The following TFB1M variants were observed in gnomAD, a reference collection of about 807,000 sequenced individuals.
TFB1M encodes transcription factor B1, mitochondrial, also known as dimethyladenosine transferase 1, mitochondrial.
TFB1M carries 27 observed loss-of-function variants against 31.1 expected under a neutral mutation model. That is an observed-to-expected ratio of 0.87 (90% confidence interval 0.64 to 1.20). TFB1M has a LOEUF of 1.20. TFB1M is among the 50% of genes most tolerant of loss of function. The pLI, the probability that TFB1M is intolerant of heterozygous loss-of-function variation, is 0.00. For missense variants in TFB1M, 394 were observed against 418.7 expected (o/e 0.94, Z 0.51); for synonymous variants, 166 against 151.8 (o/e 1.09, Z -0.69).
the TFB1M span, among the ~76,000 whole-genome samples, chr6:155,241,959 G>A: frequency 1.3e-5 from 2 of 152,172 alleles, no homozygotes; most frequent in Non-Finnish European, 2.9e-5. Flanking sequence ...GAGGAGAATC[G>A]ATGTCCCTTT....
the TFB1M span, among the ~76,000 whole-genome samples, chr6:155,234,831 G>GC: frequency 6.6e-6 from 1 of 152,270 alleles, no homozygotes; most frequent in East Asian, 1.9e-4. Context: ...GCAGGTGGCT[G>GC]CATCCCTAGA....
intron 4 of TFB1M, among the ~76,000 whole-genome samples, chr6:155,285,716 T>C (rs991892890): frequency 2.0e-5 from 3 of 152,234 alleles, no homozygotes; most frequent in African/African-American, 7.2e-5. Context: ...GCTTTTCAAA[T>C]TCACTTAATA....
At chr6:155,270,266 A>C (rs1784860186) in intron 5 of TFB1M, among the ~76,000 whole-genome samples, 1 of 152,222 alleles carries the variant, frequency 6.6e-6, no homozygotes. Context: ...ACGCCAAGTC[A>C]GCAGACAGAA....
At chr6:155,251,449 G>A (rs1783649450), downstream of TFB1M, among the ~76,000 whole-genome samples, 1 of 151,992 alleles carries the variant, frequency 6.6e-6, no homozygotes, top group Non-Finnish European at 1.5e-5. Flanking sequence ...ACCACGCCCG[G>A]CTGATTTTTG....
At chr6:155,288,303 A>C (rs1043787861) in intron 4 of TFB1M, among the ~76,000 whole-genome samples, 2 of 152,200 alleles carry the variant, frequency 1.3e-5, no homozygotes, top group Admixed American at 1.3e-4. Context: ...ACTCAAGATA[A>C]GTGATGAGTT....
At chr6:155,313,760 C>T (rs946351850) in intron 1 of TFB1M, among the ~76,000 whole-genome samples, 1 of 152,140 alleles carries the variant, frequency 6.6e-6, no homozygotes, top group African/African-American at 2.4e-5. Flanking sequence ...GGCACTAGCA[C>T]AATGTTGCTT....
intron 5 of TFB1M, among the ~76,000 whole-genome samples, chr6:155,265,684 TGA>T: frequency 6.8e-6 from 1 of 146,938 alleles, no homozygotes; most frequent in South Asian, 2.1e-4. Context: ...TATATATATA[TGA>T]GTTTATTAAA....
rs112435984 is a variant in TFB1M, at chr6:155,260,407, T to G, written c.667-7A>C. On this transcript the variant is annotated splice_polypyrimidine_tract_variant and splice_region_variant and intron_variant, in intron 5 of 6. Transcript: ENST00000367166. ...GCACCACGCCCACGTCCACCTTCGT[T>G]GTAAGCAAACATATTATCATTCTGT... The G allele has an allele frequency of 1.4e-4, 232 of 1,614,238 alleles. No individual in the cohort carries two copies. In the African/African-American group the frequency reaches 2.7e-3, roughly 19 times the overall value.
chr6:155,241,019 AG>A, the TFB1M span, among the ~76,000 whole-genome samples: 2 of 152,222 alleles, frequency 1.3e-5, no homozygotes, highest in Non-Finnish European at 2.9e-5. Flanking sequence ...GTTTAGTATA[AG>A]GGGAGAGAGA....
intron 5 of TFB1M, among the ~76,000 whole-genome samples, chr6:155,274,107 C>G (rs1785062395): frequency 6.6e-6 from 1 of 152,160 alleles, no homozygotes; most frequent in South Asian, 2.1e-4. Context: ...GATACTGAGG[C>G]ACAGAGAGGT....
chr6:155,283,771 C>CTTACA (rs1207992514), intron 5 of TFB1M, among the ~76,000 whole-genome samples: 2 of 152,180 alleles, frequency 1.3e-5, no homozygotes, highest in African/African-American at 2.4e-5. Context: ...TATAATGAGT[C>CTTACA]TTACACTATT....
the TFB1M span, chr6:155,249,956 G>C: frequency 2.5e-6 from 4 of 1,613,078 alleles, no homozygotes; most frequent in South Asian, 4.4e-5. Context: ...GAGCAGAGCG[G>C]AACAGAGAAG....
chr6:155,262,270 C>T (rs1321863936), intron 5 of TFB1M, among the ~76,000 whole-genome samples: 1 of 152,150 alleles, frequency 6.6e-6, no homozygotes, highest in Non-Finnish European at 1.5e-5. Context: ...CAGGCAGCAG[C>T]CCAAGACACA....
Position 155,257,402 on chromosome 6 carries a change from A to AGTT in TFB1M, c.*431_*433dup. On this transcript the variant is annotated 3_prime_UTR_variant, in exon 7 of 7. Transcript: ENST00000367166. ...CCTTAAAATTACATTCTAATAATTA[A>AGTT]GTTATGTGGAAAAAGTAAGGCTGGG... 2.5e-6 allele frequency: 1 copy of AGTT among 394,214 alleles called. No homozygotes were observed. Among genetic ancestry groups the AGTT allele is most frequent in the Middle Eastern group, 7.2e-4 (1 of 1,386 alleles). 24.4% of individuals were successfully genotyped at this position (394,214 alleles called of 1,614,324 possible). A position where few individuals can be genotyped will look rare whatever the true frequency, so the allele number is the denominator to read the frequency against.
chr6:155,276,188 A>C, intron 5 of TFB1M: 1 of 1,614,136 alleles, frequency 6.2e-7, no homozygotes, highest in Non-Finnish European at 8.5e-7. Flanking sequence ...AGAAAGCAAC[A>C]AACATGAACC....
chr6:155,231,573 G>A, the TFB1M span, among the ~76,000 whole-genome samples: 2 of 152,198 alleles, frequency 1.3e-5, no homozygotes, highest in Non-Finnish European at 2.9e-5. Context: ...CACGGAGCAT[G>A]CCGGTCCAGG....
rs1287033621 is a variant in TFB1M, at chr6:155,258,105, G to A, written c.795-23C>T. ...ATTCTGAGGGGAAGACAGACAGACA[G>A]AAAAATAAGAATTTTACTTAAATTC... On this transcript the variant is annotated intron_variant, in intron 6 of 6. Coordinates refer to ENST00000367166, the MANE Select transcript of TFB1M (RefSeq NM_016020.4). 6.2e-6 allele frequency: 10 copies of A among 1,613,634 alleles called. No homozygotes were observed. In the Admixed American group the frequency reaches 1.5e-4, roughly 24 times the overall value.
chr6:155,286,820 T>C (rs1210073686), intron 4 of TFB1M, among the ~76,000 whole-genome samples: 2 of 151,630 alleles, frequency 1.3e-5, no homozygotes, highest in Non-Finnish European at 2.9e-5. Context: ...TCAACAACAA[T>C]AACAACAAAA....
rs1784155353 is a variant in TFB1M, at chr6:155,257,648, A to G, written c.*188T>C. 1.6e-6 allele frequency: 1 copy of G among 631,948 alleles called. No individual in the cohort carries two copies. Among genetic ancestry groups the G allele is most frequent in the Non-Finnish European group, 2.7e-6 (1 of 369,208 alleles). The allele number at this position is 631,948 out of a possible 1,614,324, so 39.1% of individuals were successfully genotyped here. A position where few individuals can be genotyped will look rare whatever the true frequency, so the allele number is the denominator to read the frequency against. On this transcript the variant is annotated 3_prime_UTR_variant, in exon 7 of 7. Transcript: ENST00000367166. ...CTATCTATACAGTATATATTAAAAG[A>G]AAGCTTGTACTGTATCTTATTTGAT... is the stretch of plus-strand genomic sequence containing the variant.
Sources: gnomAD v4.1 joint callset for allele counts (sites outside exome capture counted in the v4.1 genomes callset) on GRCh38, gnomAD v4.1.1 for gene constraint, MANE v1.5 for transcripts, NCBI Gene and HGNC (gene_info 2026-07-23, HGNC 2026-07-21) for gene names.